The following KIAA1671 variants were observed in gnomAD, a reference collection of about 807,000 sequenced individuals.
The protein encoded by KIAA1671 is uncharacterized protein KIAA1671.
KIAA1671 carries 52 observed loss-of-function variants against 131.2 expected under a neutral mutation model. The observed-to-expected ratio is 0.40, with a 90% CI of 0.32 to 0.50. KIAA1671 has a LOEUF of 0.50. Ranked by LOEUF, KIAA1671 falls within the 20% of genes least tolerant of loss-of-function variation. KIAA1671 has a pLI of 0.73. For synonymous variants in KIAA1671, 1,003 were observed against 961.6 expected, an observed-to-expected ratio of 1.04 and a Z score of -0.80; for missense variants, 2,360 against 2,364.2, an observed-to-expected ratio of 1.00 and a Z score of 0.04.
At chr22:25,003,641 T>A (rs543584908) in intron 1 of KIAA1671, among the ~76,000 whole-genome samples, 2 of 151,556 alleles carry the variant, frequency 1.3e-5, no homozygotes, top group Non-Finnish European at 2.9e-5. Flanking sequence ...CTTGATCTCC[T>A]AACCTCATGA....
intron 1 of KIAA1671, among the ~76,000 whole-genome samples, chr22:24,958,090 G>A (rs770806283): frequency 2.1e-4 from 32 of 151,210 alleles, no homozygotes; most frequent in Admixed American, 9.3e-4. Context: ...GCGAGGTCAC[G>A]CAGCGGGAAA....
At position 25,032,604 on chromosome 22, in the gene KIAA1671, AC is replaced by A; in HGVS notation, c.1542-3del. The A allele has an allele frequency of 6.5e-7, 1 of 1,539,080 alleles. No homozygotes were observed. Reference sequence around the variant, plus strand: ...CCATGAAGGTAACTCAGATCTCTGTACCAGGTTTTCAAGTTCAGCTTCCAGC... The same window carrying A: ...CCATGAAGGTAACTCAGATCTCTGTACAGGTTTTCAAGTTCAGCTTCCAGC... On this transcript the variant is annotated splice_polypyrimidine_tract_variant and splice_region_variant and intron_variant, in intron 3 of 12. Coordinates refer to ENST00000358431, the MANE Select transcript of KIAA1671 (RefSeq NM_001145206.2).
At chr22:25,108,960 G>A (rs957207852) in intron 6 of KIAA1671, among the ~76,000 whole-genome samples, 14 of 152,168 alleles carry the variant, frequency 9.2e-5, no homozygotes, top group African/African-American at 2.9e-4. Context: ...TGTTTGCTGG[G>A]GGCCTCAGAT....
At chr22:25,086,233 G>C (rs1316311693) in intron 6 of KIAA1671, among the ~76,000 whole-genome samples, 1 of 152,218 alleles carries the variant, frequency 6.6e-6, no homozygotes, top group African/African-American at 2.4e-5. Flanking sequence ...GTTCATCTCT[G>C]TCTCTCCACT....
intron 6 of KIAA1671, among the ~76,000 whole-genome samples, chr22:25,139,566 A>G (rs914097155): frequency 1.3e-5 from 2 of 152,238 alleles, no homozygotes; most frequent in South Asian, 2.1e-4. Context: ...TTGCATGCCT[A>G]CTATGTGCTG....
chr22:25,180,368 G>C (rs143898616), intron 9 of KIAA1671, among the ~76,000 whole-genome samples: 11,238 of 152,154 alleles, frequency 0.074, 1,347 homozygotes, highest in African/African-American at 0.25. Context: ...GTGAAACCCC[G>C]TCTCTACTAA....
chr22:25,178,802 A>G lies in KIAA1671; in HGVS notation c.5074+1280A>G, dbSNP rs1028002111. ...CCACCCACCCCCTGCCAGTTCAACA[A>G]GCTCCGGCTGCACACGCAGGCTCCC... On this transcript the variant is annotated intron_variant, in intron 9 of 12. Coordinates refer to ENST00000358431, the MANE Select transcript of KIAA1671 (RefSeq NM_001145206.2). 6.6e-4 allele frequency among the ~76,000 whole-genome samples: 101 copies of G among 152,070 alleles called. 1 individual carries two copies. Among genetic ancestry groups the G allele is most frequent in the African/African-American group, 2.2e-3 (93 of 41,426 alleles).
At chr22:25,071,355 A>G (rs1173125503) in intron 6 of KIAA1671, among the ~76,000 whole-genome samples, 1 of 152,228 alleles carries the variant, frequency 6.6e-6, no homozygotes, top group Non-Finnish European at 1.5e-5. Context: ...AACTTTAGGA[A>G]ACATTGCCTT....
intron 6 of KIAA1671, among the ~76,000 whole-genome samples, chr22:25,115,740 C>T (rs1489014802): frequency 6.6e-6 from 1 of 152,102 alleles, no homozygotes; most frequent in African/African-American, 2.4e-5. Flanking sequence ...TGCATGTCTT[C>T]ATTAATTCAC....
intron 6 of KIAA1671, among the ~76,000 whole-genome samples, chr22:25,120,763 C>G (rs1015645289): frequency 6.6e-6 from 1 of 152,220 alleles, no homozygotes; most frequent in Non-Finnish European, 1.5e-5. Flanking sequence ...CTCTTTATAT[C>G]CTTTAAAAAA....
intron 5 of KIAA1671, 32 bp from the exon 6 acceptor site, chr22:25,049,198 G>A: frequency 1.3e-6 from 2 of 1,542,154 alleles, no homozygotes; most frequent in South Asian, 1.2e-5. Flanking sequence ...AAGGCTCCCA[G>A]TAAAGTCCTT....
intron 1 of KIAA1671, among the ~76,000 whole-genome samples, chr22:25,005,754 T>C (rs917376323): frequency 6.6e-6 from 1 of 152,194 alleles, no homozygotes; most frequent in African/African-American, 2.4e-5. Flanking sequence ...TTAAATAAGG[T>C]TGGGCCTGGG....
At chr22:25,024,504 T>C (rs1925832804) in intron 1 of KIAA1671, 1 of 152,184 alleles carries the variant, frequency 6.6e-6, no homozygotes, top group Non-Finnish European at 1.5e-5. Context: ...GATTGGTGGA[T>C]TGAGCCTCTG....
At chr22:25,057,738 C>T (rs940118161) in intron 6 of KIAA1671, 2 of 151,528 alleles carry the variant, frequency 1.3e-5, no homozygotes, top group Non-Finnish European at 2.9e-5. Flanking sequence ...TGGACCTGGG[C>T]TCAAGCGATC....
At chr22:25,021,858 C>A (rs1257976347) in intron 1 of KIAA1671, among the ~76,000 whole-genome samples, 1 of 151,848 alleles carries the variant, frequency 6.6e-6, no homozygotes, top group African/African-American at 2.4e-5. Flanking sequence ...GCGATCTCAG[C>A]TCCCTGCAAG....
rs182562030 is a variant in KIAA1671, at chr22:25,131,866, C to T, written c.4531-38954C>T. 1.4e-3 allele frequency among the ~76,000 whole-genome samples: 217 copies of T among 152,340 alleles called. 4 individuals carry two copies. The highest frequency in any genetic ancestry group is 3.4e-3 in the Middle Eastern group (1 of 294). ...TTGCCCCTTGGTGCCTCACTGTCTT[C>T]CCCTCTGAAGGGGATGGCCGGGGCA... On this transcript the variant is annotated intron_variant, in intron 6 of 12. Coordinates refer to ENST00000358431, the MANE Select transcript of KIAA1671 (RefSeq NM_001145206.2).
intron 6 of KIAA1671, among the ~76,000 whole-genome samples, chr22:25,074,508 A>T (rs909189869): frequency 6.8e-6 from 1 of 147,298 alleles, no homozygotes; most frequent in Non-Finnish European, 1.5e-5. Flanking sequence ...AAAAAAAAAA[A>T]AAAAAAAAAG....
At chr22:25,155,460 T>G (rs1235285104) in intron 6 of KIAA1671, among the ~76,000 whole-genome samples, 1 of 152,078 alleles carries the variant, frequency 6.6e-6, no homozygotes, top group Non-Finnish European at 1.5e-5. Flanking sequence ...TGCATTTGTG[T>G]ATATTTGTGT....
At chr22:25,093,842 C>CTCTCTCTCTCTG (rs1930256207) in intron 6 of KIAA1671, among the ~76,000 whole-genome samples, 2 of 64,060 alleles carry the variant, frequency 3.1e-5, no homozygotes, top group African/African-American at 5.0e-5. Flanking sequence ...CTGTCTGTCT[C>CTCTCTCTCTCTG]TCTCTCTCTC....
Sources: gnomAD v4.1 joint callset for allele counts (sites outside exome capture counted in the v4.1 genomes callset) on GRCh38, gnomAD v4.1.1 for gene constraint, MANE v1.5 for transcripts, NCBI Gene and HGNC (gene_info 2026-07-23, HGNC 2026-07-21) for gene names.